ASPH: variants seen among roughly 807,000 people sequenced by gnomAD.
ASPH encodes the protein aspartyl/asparaginyl beta-hydroxylase.
ASPH carries 100 observed loss-of-function variants against 118.4 expected under a neutral mutation model. The observed-to-expected ratio is 0.84, with a 90% CI of 0.72 to 1.00. ASPH has a LOEUF of 1.00. ASPH is among the 50% of genes least tolerant of loss of function. The pLI, the probability that ASPH is intolerant of heterozygous loss-of-function variation, is 0.00. For missense variants in ASPH, 920 were observed against 919.5 expected, an observed-to-expected ratio of 1.00 and a Z score of -0.01; for synonymous variants, 315 against 325.6, an observed-to-expected ratio of 0.97 and a Z score of 0.35.
intron 17 of ASPH, among the ~76,000 whole-genome samples, chr8:61,565,651 C>CAGATT (rs1831435587): frequency 6.6e-6 from 1 of 151,622 alleles, no homozygotes; most frequent in South Asian, 2.1e-4. Context: ...CACTAAACAG[C>CAGATT]TAAGATCACT....
At chr8:61,584,628 T>TTTCC (rs1554657074) in intron 14 of ASPH, among the ~76,000 whole-genome samples, 4 of 23,240 alleles carry the variant, frequency 1.7e-4, no homozygotes, top group East Asian at 6.9e-4. Flanking sequence ...TCTTTCTTTC[T>TTTCC]TTCCTTCTTT....
intron 15 of ASPH, chr8:61,579,652 C>T (rs1587568310): frequency 6.7e-7 from 1 of 1,482,684 alleles, no homozygotes; most frequent in East Asian, 2.3e-5. Flanking sequence ...TCCGAGTCCT[C>T]TGACATCCTG....
At chr8:61,570,971 T>C (rs1388100022) in intron 16 of ASPH, among the ~76,000 whole-genome samples, 1 of 152,234 alleles carries the variant, frequency 6.6e-6, no homozygotes, top group Non-Finnish European at 1.5e-5. Context: ...TCAGTGCTAC[T>C]TTAGAAATGA....
intron 21 of ASPH, among the ~76,000 whole-genome samples, chr8:61,537,282 A>G (rs1819983860): frequency 6.6e-6 from 1 of 152,256 alleles, no homozygotes; most frequent in Admixed American, 6.5e-5. Context: ...CACAGTCACT[A>G]ATCTCAGGCA....
At chr8:61,517,733 G>C in intron 23 of ASPH, 72 bp from the exon 24 acceptor site, 3 of 1,532,114 alleles carry the variant, frequency 2.0e-6, no homozygotes, top group Non-Finnish European at 1.8e-6. Context: ...TAAGGTGACA[G>C]TACAAAATTA....
At chr8:61,545,952 T>C (rs972784398) in intron 21 of ASPH, among the ~76,000 whole-genome samples, 9 of 152,206 alleles carry the variant, frequency 5.9e-5, no homozygotes, top group African/African-American at 2.2e-4. Context: ...GTACACCCTC[T>C]CTCCTCCTGG....
intron 21 of ASPH, among the ~76,000 whole-genome samples, chr8:61,545,381 C>A (rs968313169): frequency 2.0e-5 from 3 of 152,152 alleles, no homozygotes; most frequent in Non-Finnish European, 4.4e-5. Flanking sequence ...TGTTTATAAG[C>A]CACCGAGTTT....
chr8:61,655,671 CT>C (rs1813306965), intron 3 of ASPH, among the ~76,000 whole-genome samples: 2 of 152,166 alleles, frequency 1.3e-5, no homozygotes, highest in Non-Finnish European at 1.5e-5. Flanking sequence ...TGAGAGTCAG[CT>C]TTCTCTAACC....
intron 21 of ASPH, among the ~76,000 whole-genome samples, chr8:61,542,773 T>A (rs953554957): frequency 3.3e-5 from 5 of 152,212 alleles, no homozygotes; most frequent in Admixed American, 2.0e-4. Flanking sequence ...ATATCTATTG[T>A]AGAGCAAGAA....
chr8:61,700,689 T>C (rs1835042251), intron 1 of ASPH, among the ~76,000 whole-genome samples: 1 of 152,244 alleles, frequency 6.6e-6, no homozygotes, highest in Admixed American at 6.5e-5. Flanking sequence ...TCCCCAATGT[T>C]TTACTATGAA....
chr8:61,666,190 C>T lies in ASPH; in HGVS notation c.323-12530G>A, dbSNP rs969963271. 1.3e-5 allele frequency among the ~76,000 whole-genome samples: 2 copies of T among 152,120 alleles called. 1 individual carries two copies. Among genetic ancestry groups the T allele is most frequent in the African/African-American group, 4.8e-5 (2 of 41,436 alleles). ...ATTTAAAAGGAAAAATTAGAATTCT[C>T]TTTCTGCTTATATTCATCATGAAAT... On this transcript the variant is annotated intron_variant, in intron 3 of 24. Transcript: ENST00000379454.
At chr8:61,548,696 C>A (rs1824784889) in intron 20 of ASPH, among the ~76,000 whole-genome samples, 1 of 152,138 alleles carries the variant, frequency 6.6e-6, no homozygotes. Context: ...AAGAAGGTCA[C>A]ACCAAGGCGT....
At chr8:61,542,432 T>C (rs1023114732) in intron 21 of ASPH, among the ~76,000 whole-genome samples, 1 of 152,174 alleles carries the variant, frequency 6.6e-6, no homozygotes, top group African/African-American at 2.4e-5. Flanking sequence ...ATTAATACCT[T>C]TAATTAAAAC....
At chr8:61,577,849 C>T (rs1352968722) in intron 15 of ASPH, among the ~76,000 whole-genome samples, 2 of 152,154 alleles carry the variant, frequency 1.3e-5, no homozygotes, top group East Asian at 1.9e-4. Flanking sequence ...ATGGGGATTA[C>T]AATTTGAGAT....
At chr8:61,537,996 C>T (rs910283694) in intron 21 of ASPH, among the ~76,000 whole-genome samples, 1 of 152,180 alleles carries the variant, frequency 6.6e-6, no homozygotes, top group Non-Finnish European at 1.5e-5. Context: ...CGTGTGGACT[C>T]TTATTAAGGG....
chr8:61,515,811 T>C (rs1346913924), intron 24 of ASPH, among the ~76,000 whole-genome samples: 2 of 152,208 alleles, frequency 1.3e-5, no homozygotes, highest in African/African-American at 4.8e-5. Context: ...CCCATTCCTG[T>C]ATCACACATT....
chr8:61,527,981 C>G (rs1331926837), intron 21 of ASPH, among the ~76,000 whole-genome samples: 1 of 152,188 alleles, frequency 6.6e-6, no homozygotes, highest in Non-Finnish European at 1.5e-5. Context: ...GCCTCCTCAC[C>G]TTGACATGGC....
intron 14 of ASPH, among the ~76,000 whole-genome samples, chr8:61,603,539 C>T (rs1165092219): frequency 6.6e-6 from 1 of 152,206 alleles, no homozygotes; most frequent in Non-Finnish European, 1.5e-5. Flanking sequence ...ATATGACAAT[C>T]TGCTCTGACC....
chr8:61,507,302 AT>A (rs1806993077), intron 24 of ASPH, among the ~76,000 whole-genome samples: 1 of 152,226 alleles, frequency 6.6e-6, no homozygotes, highest in Non-Finnish European at 1.5e-5. Context: ...AATTGTATAA[AT>A]AAGAAATTTG....
Sources: gnomAD v4.1 joint callset for allele counts (sites outside exome capture counted in the v4.1 genomes callset) on GRCh38, gnomAD v4.1.1 for gene constraint, MANE v1.5 for transcripts, NCBI Gene and HGNC (gene_info 2026-07-23, HGNC 2026-07-21) for gene names.